R3HDM2: variants seen among roughly 807,000 people sequenced by gnomAD.
R3HDM2 encodes the protein R3H domain containing 2.
In R3HDM2, 38 loss-of-function variants were observed where a neutral mutation model predicts 124.5. The ratio of observed to expected loss-of-function variants is 0.31; its 90% confidence interval spans 0.24 to 0.40. R3HDM2 has a LOEUF of 0.40. Among genes scored for constraint, R3HDM2 ranks in the 10% least tolerant of loss-of-function variants. The probability of loss-of-function intolerance (pLI) is 1.00; values close to 1 mark genes in which losing one functional copy is unlikely to be tolerated. For missense variants in R3HDM2, 869 were observed against 1,236.9 expected (o/e 0.70, Z 4.46); for synonymous variants, 391 against 448.0 (o/e 0.87, Z 1.61).
intron 1 of R3HDM2, among the ~76,000 whole-genome samples, chr12:57,426,144 C>CTTGAATCCAGGAGGCAGAGG (rs1380680185): frequency 2.0e-5 from 3 of 152,104 alleles, no homozygotes; most frequent in Admixed American, 1.3e-4. Flanking sequence ...AGGAGAATCC[C>CTTGAATCCAGGAGGCAGAGG]TTGAATCCAG....
At chr12:57,407,258 A>G (rs1487692303) in intron 1 of R3HDM2, among the ~76,000 whole-genome samples, 2 of 151,592 alleles carry the variant, frequency 1.3e-5, no homozygotes, top group African/African-American at 4.8e-5. Flanking sequence ...TCAAGAGAAA[A>G]AAAAAAAAAT....
chr12:57,386,311 C>G (rs2065759184), intron 2 of R3HDM2, among the ~76,000 whole-genome samples: 2 of 152,160 alleles, frequency 1.3e-5, no homozygotes, highest in Non-Finnish European at 2.9e-5. Context: ...GAGGTGTGGA[C>G]GGAGAGGCAC....
At chr12:57,402,246 A>G (rs7975950) in intron 1 of R3HDM2, among the ~76,000 whole-genome samples, 147,736 of 151,552 alleles carry the variant, frequency 0.97, 72,129 homozygotes, top group Middle Eastern at 1. Context: ...AGTGAGCTGA[A>G]GTCCCACCAC....
chr12:57,378,813 C>T (rs2064433459), intron 2 of R3HDM2, among the ~76,000 whole-genome samples: 1 of 152,176 alleles, frequency 6.6e-6, no homozygotes, highest in Non-Finnish European at 1.5e-5. Flanking sequence ...ATAATAGCTA[C>T]ATGGTAGAAG....
chr12:57,288,396 CTA>C lies in R3HDM2; in HGVS notation c.938+611_938+612del, dbSNP rs371968155. The stretch of plus-strand genomic sequence containing the variant: ...CGTATATGTCTCTCTCTCTCTCTCT[CTA>C]TATATATATATGTATTATTTTTTCT... On this transcript the variant is annotated intron_variant, in intron 12 of 23. Coordinates refer to ENST00000402412, the MANE Select transcript of R3HDM2 (RefSeq NM_001394031.1). 2.5e-4 allele frequency among the ~76,000 whole-genome samples: 37 copies of C among 150,242 alleles called. No individual in the cohort carries two copies. In the East Asian group the frequency reaches 2.9e-3, roughly 12 times the overall value.
At chr12:57,355,857 C>G (rs541399475) in intron 2 of R3HDM2, among the ~76,000 whole-genome samples, 1 of 152,236 alleles carries the variant, frequency 6.6e-6, no homozygotes, top group South Asian at 2.1e-4. Flanking sequence ...GCTATTTGTA[C>G]ATGGTATGTT....
chr12:57,361,155 C>G (rs2061912519), intron 2 of R3HDM2, among the ~76,000 whole-genome samples: 1 of 150,828 alleles, frequency 6.6e-6, no homozygotes. Flanking sequence ...GTGGGCAGAT[C>G]ACCTGAGGTC....
Position 57,310,483 on chromosome 12 carries a change from A to G in R3HDM2, c.-35-20T>C. 1 of 1,340,164 alleles carries G rather than the reference A, an allele frequency of 7.5e-7. No individual in the cohort carries two copies. Among genetic ancestry groups the G allele is most frequent in the Non-Finnish European group, 9.8e-7 (1 of 1,019,670 alleles). 83.0% of individuals were successfully genotyped at this position (1,340,164 alleles called of 1,614,324 possible). ...GGACTCCTAAAGAAACATCAAATGC[A>G]TTAAGCAGGAGGTATGTATCCATAC... On this transcript the variant is annotated intron_variant, in intron 2 of 23. Coordinates refer to ENST00000402412, the MANE Select transcript of R3HDM2 (RefSeq NM_001394031.1).
intron 20 of R3HDM2, 33 bp downstream of exon 20, chr12:57,258,857 C>T (rs1475938281): frequency 6.8e-7 from 1 of 1,470,976 alleles, no homozygotes; most frequent in South Asian, 1.5e-5. Flanking sequence ...ACGGTCATCT[C>T]CTTGCCAAGA....
chr12:57,308,528 T>C (rs902034605), intron 3 of R3HDM2, among the ~76,000 whole-genome samples: 3 of 151,528 alleles, frequency 2.0e-5, no homozygotes, highest in Non-Finnish European at 4.4e-5. Context: ...CTACTAAAAA[T>C]ACAAAAAATT....
chr12:57,337,620 AC>A, intron 2 of R3HDM2, among the ~76,000 whole-genome samples: 1 of 152,188 alleles, frequency 6.6e-6, no homozygotes, highest in Non-Finnish European at 1.5e-5. Context: ...AAAACAAAAA[AC>A]AAACAAAAAA....
chr12:57,353,280 A>T (rs2060876465), intron 2 of R3HDM2, among the ~76,000 whole-genome samples: 1 of 152,186 alleles, frequency 6.6e-6, no homozygotes, highest in African/African-American at 2.4e-5. Flanking sequence ...CAAACCAAAA[A>T]GAAAATGACA....
chr12:57,270,450 T>C (rs1357471784), intron 14 of R3HDM2, among the ~76,000 whole-genome samples: 2 of 151,858 alleles, frequency 1.3e-5, no homozygotes, highest in African/African-American at 4.8e-5. Flanking sequence ...TTTTTTGAGA[T>C]GGAGTTTTGG....
chr12:57,370,153 G>C (rs1228084770), intron 2 of R3HDM2, among the ~76,000 whole-genome samples: 2 of 152,092 alleles, frequency 1.3e-5, no homozygotes, highest in Non-Finnish European at 2.9e-5. Context: ...ATTGGATCAC[G>C]GGGGCGGTTC....
At chr12:57,387,153 A>C (rs12315434) in intron 2 of R3HDM2, among the ~76,000 whole-genome samples, 24,630 of 151,972 alleles carry the variant, frequency 0.16, 2,658 homozygotes, top group Admixed American at 0.27. Flanking sequence ...AAGAGAATAA[A>C]AGCAGGCTGC....
At position 57,268,288 on chromosome 12, in the gene R3HDM2, T is replaced by C. The variant is rs1314199716; in HGVS notation, c.2030+15A>G. 1.2e-6 allele frequency: 2 copies of C among 1,611,822 alleles called. No individual in the cohort carries two copies. The highest frequency in any genetic ancestry group is 1.7e-6 in the Non-Finnish European group (2 of 1,178,560). On this transcript the variant is annotated intron_variant, in intron 18 of 23. Coordinates refer to ENST00000402412, the MANE Select transcript of R3HDM2 (RefSeq NM_001394031.1). ...TATGGGAGATGTCCTGTCCTGGCTCTCTGGGAGTCCTCACCTCGTACCGTT... is the reference window on the plus strand; with the variant it reads ...TATGGGAGATGTCCTGTCCTGGCTCCCTGGGAGTCCTCACCTCGTACCGTT...
chr12:57,266,842 A>G lies in R3HDM2; in HGVS notation c.2031-11T>C. On this transcript the variant is annotated splice_polypyrimidine_tract_variant and intron_variant, in intron 18 of 23. Coordinates refer to ENST00000402412, the MANE Select transcript of R3HDM2 (RefSeq NM_001394031.1). ...AACCCTACAGAAGGGCTGGGAAGAC[A>G]GAGAAGAGAGGAGTGGTGAAGCAGT... 6.5e-7 allele frequency: 1 copy of G among 1,548,972 alleles called. No homozygotes were observed. The highest frequency in any genetic ancestry group is 8.9e-7 in the Non-Finnish European group (1 of 1,124,542).
intron 19 of R3HDM2, among the ~76,000 whole-genome samples, chr12:57,259,750 G>A (rs186054879): frequency 6.6e-4 from 100 of 152,268 alleles, no homozygotes; most frequent in African/African-American, 2.3e-3. Context: ...GGCACTGAGT[G>A]TACAAAAAAC....
intron 2 of R3HDM2, among the ~76,000 whole-genome samples, chr12:57,327,001 T>C (rs1379973731): frequency 6.7e-6 from 1 of 150,034 alleles, no homozygotes; most frequent in South Asian, 2.1e-4. Context: ...AAAAAAAATA[T>C]TCCTTTTAAA....
Sources: gnomAD v4.1 joint callset for allele counts (sites outside exome capture counted in the v4.1 genomes callset) on GRCh38, gnomAD v4.1.1 for gene constraint, MANE v1.5 for transcripts, NCBI Gene and HGNC (gene_info 2026-07-23, HGNC 2026-07-21) for gene names.